The following SPOPL variants were observed in gnomAD, a reference collection of about 807,000 sequenced individuals.
SPOPL encodes the protein speckle-type POZ protein-like.
A neutral mutation model predicts 53.8 loss-of-function variants in SPOPL; 23 were observed. The observed-to-expected ratio is 0.43, with a 90% CI of 0.31 to 0.61. The LOEUF is 0.61. Among genes scored for constraint, SPOPL ranks in the 20% least tolerant of loss-of-function variants. SPOPL has a pLI of 0.12. For missense variants in SPOPL, 442 were observed against 466.9 expected, an observed-to-expected ratio of 0.95 and a Z score of 0.49; for synonymous variants, 164 against 149.7, an observed-to-expected ratio of 1.10 and a Z score of -0.70.
intron 1 of SPOPL, among the ~76,000 whole-genome samples, chr2:138,533,248 G>A (rs1465524800): frequency 1.3e-5 from 2 of 152,170 alleles, no homozygotes; most frequent in Non-Finnish European, 2.9e-5. Context: ...TCAGTATATA[G>A]CTCTTGTTAT....
intron 1 of SPOPL, among the ~76,000 whole-genome samples, chr2:138,543,196 T>A (rs1198818566): frequency 6.6e-6 from 1 of 152,186 alleles, no homozygotes; most frequent in Non-Finnish European, 1.5e-5. Context: ...CTTTGGTGAA[T>A]CTGACAGTTA....
intron 5 of SPOPL, among the ~76,000 whole-genome samples, chr2:138,558,169 AAAAT>A (rs1484440064): frequency 1.3e-5 from 2 of 152,190 alleles, no homozygotes; most frequent in African/African-American, 2.4e-5. Context: ...TCAAAAATAA[AAAAT>A]AAATAAATAA....
At position 138,570,712 on chromosome 2, in the gene SPOPL, A is replaced by G. The variant is rs967658077; in HGVS notation, c.*1632A>G. The G allele has an allele frequency of 5.9e-5, 9 of 152,208 alleles. No individual in the cohort carries two copies. Among genetic ancestry groups the G allele is most frequent in the African/African-American group, 2.2e-4 (9 of 41,468 alleles). 9.4% of individuals were successfully genotyped at this position (152,208 alleles called of 1,614,324 possible). On this transcript the variant is annotated 3_prime_UTR_variant, in exon 11 of 11. Transcript: ENST00000280098. The stretch of plus-strand genomic sequence containing the variant: ...AATGTTTGAATTCAGGACAAAAGAA[A>G]AAATGAAGCTTGAGGTGTTTTCAAA...
At chr2:138,522,790 A>G (rs1215457111) in intron 1 of SPOPL, among the ~76,000 whole-genome samples, 1 of 152,170 alleles carries the variant, frequency 6.6e-6, no homozygotes, top group African/African-American at 2.4e-5. Context: ...TTTAGTACAC[A>G]TTTTAGTCAA....
At chr2:138,508,446 C>T (rs1318116244) in intron 1 of SPOPL, among the ~76,000 whole-genome samples, 5 of 152,164 alleles carry the variant, frequency 3.3e-5, no homozygotes, top group Non-Finnish European at 7.3e-5. Flanking sequence ...ATTCTCCTGC[C>T]TCAGCCTCCT....
chr2:138,561,447 A>G lies in SPOPL; in HGVS notation c.837+520A>G, dbSNP rs1019499467. 3.9e-5 allele frequency among the ~76,000 whole-genome samples: 6 copies of G among 152,282 alleles called. No homozygotes were observed. The South Asian group carries it at 6.2e-4, about 16-fold the overall frequency. On this transcript the variant is annotated intron_variant, in intron 8 of 10. Transcript: ENST00000280098. ...AAACATCAGAAAAATCTCTAAGCCA[A>G]TGGTTTTCAATCCTAAAAGCACATT...
chr2:138,518,081 A>T (rs893572864), intron 1 of SPOPL, among the ~76,000 whole-genome samples: 40 of 151,466 alleles, frequency 2.6e-4, no homozygotes, highest in African/African-American at 9.4e-4. Context: ...GGAAAAAGAA[A>T]TTCTGACTTG....
At chr2:138,550,827 T>TTCTC (rs66690846) in intron 3 of SPOPL, 76 bp from the exon 4 acceptor site, 91,632 of 1,221,858 alleles carry the variant, frequency 0.075, 140 homozygotes, top group Admixed American at 0.12. Context: ...CTCTCTCTCT[T>TTCTC]TCTCTCTCTC....
intron 1 of SPOPL, among the ~76,000 whole-genome samples, chr2:138,530,320 A>C (rs577017039): frequency 1.6e-4 from 25 of 152,278 alleles, no homozygotes; most frequent in African/African-American, 6.0e-4. Context: ...TTATGATAGA[A>C]TAATTTATAT....
intron 1 of SPOPL, among the ~76,000 whole-genome samples, chr2:138,520,590 G>A (rs1391558651): frequency 6.6e-6 from 1 of 152,172 alleles, no homozygotes; most frequent in African/African-American, 2.4e-5. Flanking sequence ...AAATTATGAG[G>A]TTAGAGGCTG....
intron 1 of SPOPL, among the ~76,000 whole-genome samples, chr2:138,527,846 G>A (rs1684710163): frequency 6.6e-6 from 1 of 152,042 alleles, no homozygotes; most frequent in Non-Finnish European, 1.5e-5. Flanking sequence ...TTCCTTGAAT[G>A]GGAAGGTTAT....
At chr2:138,504,379 T>C (rs1684169646) in intron 1 of SPOPL, among the ~76,000 whole-genome samples, 1 of 152,186 alleles carries the variant, frequency 6.6e-6, no homozygotes, top group South Asian at 2.1e-4. Context: ...TTTCTTGGCT[T>C]TCCTAATGTC....
rs1418194368 is a variant in SPOPL, at chr2:138,573,076, T to C, written c.*3996T>C. The C allele has an allele frequency of 1.3e-5, 2 of 152,170 alleles. No homozygotes were observed. The highest frequency in any genetic ancestry group is 3.8e-4 in the East Asian group (2 of 5,196). The allele number at this position is 152,170 out of a possible 1,614,324, so 9.4% of individuals were successfully genotyped here. A position where few individuals can be genotyped will look rare whatever the true frequency, so the allele number is the denominator to read the frequency against. On this transcript the variant is annotated 3_prime_UTR_variant, in exon 11 of 11. Coordinates refer to ENST00000280098, the MANE Select transcript of SPOPL (RefSeq NM_001001664.3). ...TTCTTGGGGAAATTGATTTTCAAGA[T>C]TCAAGTGTATAAAAACTTATATTGA...
At position 138,565,003 on chromosome 2, in the gene SPOPL, C is replaced by T. The variant is rs1685630704; in HGVS notation, c.1034+10C>T. The T allele has an allele frequency of 6.2e-7, 1 of 1,613,654 alleles. No individual in the cohort carries two copies. The highest frequency in any genetic ancestry group is 1.3e-5 in the African/African-American group (1 of 74,918). The stretch of plus-strand genomic sequence containing the variant: ...AAAACTGGAACAGCAAGTAAGATGA[C>T]ATCAGTTTCTGACTCAAAGTTGCTC... On this transcript the variant is annotated intron_variant, in intron 10 of 10. Transcript: ENST00000280098.
At chr2:138,511,655 T>G (rs1440681059) in intron 1 of SPOPL, among the ~76,000 whole-genome samples, 1 of 152,222 alleles carries the variant, frequency 6.6e-6, no homozygotes. Context: ...AATTGTAAGA[T>G]GCTATCAATT....
At chr2:138,559,620 A>G (rs1269931268) in intron 7 of SPOPL, among the ~76,000 whole-genome samples, 1 of 152,186 alleles carries the variant, frequency 6.6e-6, no homozygotes, top group East Asian at 1.9e-4. Flanking sequence ...ATTCTGGTCC[A>G]TAGCTATTTG....
intron 1 of SPOPL, among the ~76,000 whole-genome samples, chr2:138,507,137 A>G (rs915619764): frequency 5.3e-5 from 8 of 152,144 alleles, no homozygotes; most frequent in Non-Finnish European, 8.8e-5. Flanking sequence ...CTGGTTGTCA[A>G]TACACCCATA....
At chr2:138,538,683 G>A (rs1490557261) in intron 1 of SPOPL, among the ~76,000 whole-genome samples, 1 of 151,136 alleles carries the variant, frequency 6.6e-6, no homozygotes, top group African/African-American at 2.4e-5. Context: ...CTCTGCCTTA[G>A]TCTTCACTTC....
At chr2:138,535,249 A>G (rs981774721) in intron 1 of SPOPL, among the ~76,000 whole-genome samples, 2 of 152,264 alleles carry the variant, frequency 1.3e-5, no homozygotes, top group African/African-American at 4.8e-5. Context: ...TGGATTGTCC[A>G]TCAATGAATG....
Sources: allele counts gnomAD v4.1 joint callset (sites outside exome capture counted in the v4.1 genomes callset), GRCh38; gene constraint gnomAD v4.1.1; transcripts MANE v1.5; gene names NCBI Gene and HGNC (gene_info 2026-07-23, HGNC 2026-07-21).